GABRG3: variants seen among roughly 807,000 people sequenced by gnomAD.
GABRG3 encodes the protein gamma-aminobutyric acid receptor subunit gamma-3.
A neutral mutation model predicts 48.8 loss-of-function variants in GABRG3; 25 were observed. The ratio of observed to expected loss-of-function variants is 0.51; its 90% CI spans 0.37 to 0.72. GABRG3 has a LOEUF of 0.72. Ranked by LOEUF, GABRG3 falls within the 30% of genes least tolerant of loss-of-function variation. The pLI, the probability that GABRG3 is intolerant of heterozygous loss-of-function variation, is 0.00. For missense variants in GABRG3, 394 were observed against 577.9 expected, an observed-to-expected ratio of 0.68 and a Z score of 3.26; for synonymous variants, 227 against 217.6, an observed-to-expected ratio of 1.04 and a Z score of -0.38.
chr15:27,414,481 C>G (rs1251204861), intron 5 of GABRG3, among the ~76,000 whole-genome samples: 1 of 152,122 alleles, frequency 6.6e-6, no homozygotes, highest in South Asian at 2.1e-4. Flanking sequence ...GAAGGTCCTG[C>G]TGCTTATTTT....
At chr15:27,482,142 GA>G (rs1890114847) in intron 6 of GABRG3, among the ~76,000 whole-genome samples, 1 of 152,210 alleles carries the variant, frequency 6.6e-6, no homozygotes, top group Admixed American at 6.5e-5. Context: ...GCAACAGTCT[GA>G]ACAATTCTTG....
chr15:27,093,137 C>G (rs1201665852), intron 3 of GABRG3, among the ~76,000 whole-genome samples: 4 of 152,002 alleles, frequency 2.6e-5, no homozygotes, highest in Non-Finnish European at 4.4e-5. Context: ...TCCTGGGCAC[C>G]TGAGGCTTGA....
intron 4 of GABRG3, 79 bp from the exon 5 acceptor site, chr15:27,328,727 C>T: frequency 8.3e-7 from 1 of 1,208,120 alleles, no homozygotes; most frequent in South Asian, 1.3e-5. Context: ...CTCTCCATCC[C>T]CACATGGGGT....
chr15:27,154,323 C>T (rs1384210035), intron 3 of GABRG3, among the ~76,000 whole-genome samples: 1 of 152,066 alleles, frequency 6.6e-6, no homozygotes, highest in Non-Finnish European at 1.5e-5. Context: ...TTTTTCAGTG[C>T]CTTTTATTTC....
At position 27,325,132 on chromosome 15, in the gene GABRG3, A is replaced by T. The variant is rs546927229; in HGVS notation, c.271-1677A>T. ...TTCGTTTCATTTCACCACTCTTTGA[A>T]CCCCATTTTTGTATCAGTCAGCACA... On this transcript the variant is annotated intron_variant, in intron 3 of 9. Coordinates refer to ENST00000615808, the MANE Select transcript of GABRG3 (RefSeq NM_033223.5). 1.4e-4 allele frequency among the ~76,000 whole-genome samples: 21 copies of T among 146,182 alleles called. No homozygotes were observed. The South Asian group carries it at 2.8e-3, about 20-fold the overall frequency.
At chr15:27,014,190 A>AT (rs1895736997) in intron 2 of GABRG3, among the ~76,000 whole-genome samples, 2 of 151,536 alleles carry the variant, frequency 1.3e-5, no homozygotes, top group Non-Finnish European at 2.9e-5. Context: ...GTCTTCTCTC[A>AT]TTTTTTTCTT....
intron 3 of GABRG3, among the ~76,000 whole-genome samples, chr15:27,323,850 G>A (rs1264662977): frequency 1.3e-5 from 2 of 152,142 alleles, no homozygotes; most frequent in African/African-American, 2.4e-5. Flanking sequence ...CCCAGGGCAC[G>A]TGGTTCACGT....
intron 3 of GABRG3, among the ~76,000 whole-genome samples, chr15:27,225,404 T>C (rs1566971322): frequency 6.6e-6 from 1 of 151,994 alleles, no homozygotes; most frequent in Non-Finnish European, 1.5e-5. Context: ...GGACTGCCAA[T>C]TGTTTAGTCT....
At chr15:27,465,543 C>T (rs1194758654) in intron 5 of GABRG3, among the ~76,000 whole-genome samples, 1 of 152,144 alleles carries the variant, frequency 6.6e-6, no homozygotes, top group Admixed American at 6.5e-5. Flanking sequence ...TACCGAATTC[C>T]CTATTTCTGC....
intron 3 of GABRG3, among the ~76,000 whole-genome samples, chr15:27,147,297 C>G (rs1898226812): frequency 1.3e-5 from 2 of 151,792 alleles, no homozygotes; most frequent in Non-Finnish European, 1.5e-5. Context: ...AACAAGAGAG[C>G]CTTAAAATAT....
chr15:26,972,817 C>T (rs1894871110), intron 1 of GABRG3, among the ~76,000 whole-genome samples: 5 of 152,188 alleles, frequency 3.3e-5, no homozygotes, highest in Admixed American at 2.6e-4. Context: ...AGCCCTGGCC[C>T]TCCCCCTTGC....
chr15:27,071,021 C>T (rs897626562), intron 3 of GABRG3, among the ~76,000 whole-genome samples: 1 of 152,152 alleles, frequency 6.6e-6, no homozygotes, highest in Non-Finnish European at 1.5e-5. Flanking sequence ...CCCTGTTCAT[C>T]TGAATAACTA....
intron 5 of GABRG3, among the ~76,000 whole-genome samples, chr15:27,402,037 T>G (rs907110294): frequency 1.3e-5 from 2 of 152,210 alleles, no homozygotes; most frequent in Non-Finnish European, 2.9e-5. Flanking sequence ...AGTGATGATT[T>G]TATTTTAAAA....
At chr15:27,360,930 C>T (rs749417075) in intron 5 of GABRG3, among the ~76,000 whole-genome samples, 9 of 152,182 alleles carry the variant, frequency 5.9e-5, no homozygotes, top group Non-Finnish European at 1.3e-4. Flanking sequence ...AGCTCTACCT[C>T]TCATGAGCAG....
intron 5 of GABRG3, among the ~76,000 whole-genome samples, chr15:27,462,604 T>C (rs1889483667): frequency 6.6e-6 from 1 of 152,236 alleles, no homozygotes; most frequent in Non-Finnish European, 1.5e-5. Context: ...ATTAAAATTG[T>C]AAGTTGAAAT....
rs536106266 is a variant in GABRG3 at position 27,078,112 on chromosome 15, CA to C, written c.270+51294del. On this transcript the variant is annotated intron_variant, in intron 3 of 9. Coordinates refer to ENST00000615808, the MANE Select transcript of GABRG3 (RefSeq NM_033223.5). ...GGCCATGGAGTGCCGGATAGTTGGT[CA>C]AATATTATTCTGGATGTGTTTGTGA... Among the ~76,000 whole-genome samples the C allele has an allele frequency of 1.2e-4, 18 of 152,232 alleles. No homozygotes were observed. The South Asian group carries it at 3.7e-3, about 32-fold the overall frequency.
intron 3 of GABRG3, among the ~76,000 whole-genome samples, chr15:27,056,353 CAAAAAA>C (rs58665097): frequency 3.5e-5 from 2 of 57,160 alleles, no homozygotes; most frequent in African/African-American, 1.3e-4. Flanking sequence ...ACCCTGTCTC[CAAAAAA>C]AAAAAAAAAA....
At chr15:26,999,447 C>G (rs1409584431) in intron 2 of GABRG3, among the ~76,000 whole-genome samples, 1 of 152,096 alleles carries the variant, frequency 6.6e-6, no homozygotes, top group Non-Finnish European at 1.5e-5. Flanking sequence ...TGCATTGTTT[C>G]TGATGAAGAA....
chr15:27,185,666 T>G (rs1340201373), intron 3 of GABRG3, among the ~76,000 whole-genome samples: 2 of 152,098 alleles, frequency 1.3e-5, no homozygotes, highest in African/African-American at 2.4e-5. Flanking sequence ...AATTTGTATC[T>G]TTCTTCTTCA....
Sources: gnomAD v4.1 joint callset for allele counts (sites outside exome capture counted in the v4.1 genomes callset) on GRCh38, gnomAD v4.1.1 for gene constraint, MANE v1.5 for transcripts, NCBI Gene and HGNC (gene_info 2026-07-23, HGNC 2026-07-21) for gene names.